Variants in TMEM163 observed in about 807,000 individuals in gnomAD.
The protein encoded by TMEM163 is transmembrane protein 163.
TMEM163 carries 17 observed loss-of-function variants against 29.3 expected under a neutral mutation model. The ratio of observed to expected loss-of-function variants is 0.58; its 90% CI spans 0.40 to 0.87. The LOEUF is 0.87. TMEM163 is among the 40% of genes least tolerant of loss of function. The pLI, the probability that TMEM163 is intolerant of heterozygous loss-of-function variation, is 0.00. For missense variants in TMEM163, 303 were observed against 381.5 expected (o/e 0.79, Z 1.71); for synonymous variants, 157 against 160.6 (o/e 0.98, Z 0.17).
chr2:134,536,032 T>C (rs1289290722), intron 4 of TMEM163, among the ~76,000 whole-genome samples: 2 of 152,206 alleles, frequency 1.3e-5, no homozygotes, highest in East Asian at 3.8e-4. Context: ...CTTGTTTGTA[T>C]GTTTTACATT....
intron 7 of TMEM163, among the ~76,000 whole-genome samples, chr2:134,457,394 C>T (rs944298775): frequency 4.6e-5 from 7 of 152,330 alleles, no homozygotes; most frequent in Admixed American, 1.3e-4. Flanking sequence ...GTTCCACTTT[C>T]GCCACGTCCT....
chr2:134,485,175 T>C (rs1019820127), intron 5 of TMEM163, among the ~76,000 whole-genome samples: 5 of 152,204 alleles, frequency 3.3e-5, no homozygotes, highest in Non-Finnish European at 5.9e-5. Context: ...CCTAATCTAC[T>C]GAACATCCTG....
intron 4 of TMEM163, among the ~76,000 whole-genome samples, chr2:134,520,892 T>C (rs1232572836): frequency 6.6e-6 from 1 of 152,186 alleles, no homozygotes; most frequent in Non-Finnish European, 1.5e-5. Flanking sequence ...ATTCCTGGGC[T>C]CCCCCTTGAA....
intron 2 of TMEM163, among the ~76,000 whole-genome samples, chr2:134,589,878 T>C (rs905634962): frequency 2.6e-5 from 4 of 152,272 alleles, no homozygotes; most frequent in East Asian, 1.9e-4. Context: ...GAATGACCCA[T>C]TGAGCACTCA....
At chr2:134,651,404 T>C in intron 2 of TMEM163, among the ~76,000 whole-genome samples, 1 of 132,370 alleles carries the variant, frequency 7.6e-6, no homozygotes, top group Non-Finnish European at 1.6e-5. Flanking sequence ...TGTTTTTTTC[T>C]TGTAAATTTG....
chr2:134,605,085 G>A (rs1415239139), intron 2 of TMEM163, among the ~76,000 whole-genome samples: 2 of 151,520 alleles, frequency 1.3e-5, no homozygotes, highest in African/African-American at 4.9e-5. Flanking sequence ...GCTGAGGCAG[G>A]AGAATAGCTT....
chr2:134,567,453 A>T (rs941572127), intron 2 of TMEM163, among the ~76,000 whole-genome samples: 1 of 152,164 alleles, frequency 6.6e-6, no homozygotes, highest in African/African-American at 2.4e-5. Flanking sequence ...GCACTTTGGG[A>T]GGCCGAGGCG....
At chr2:134,493,674 T>C (rs555481343) in intron 5 of TMEM163, among the ~76,000 whole-genome samples, 31 of 152,270 alleles carry the variant, frequency 2.0e-4, no homozygotes, top group South Asian at 8.3e-4. Context: ...GCCCAGCCTT[T>C]TGGTGCCATG....
intron 2 of TMEM163, among the ~76,000 whole-genome samples, chr2:134,582,078 A>G (rs1681707644): frequency 6.6e-6 from 1 of 152,192 alleles, no homozygotes; most frequent in Admixed American, 6.5e-5. Flanking sequence ...GCAAGAGTTT[A>G]AAACTTTCAG....
At chr2:134,531,863 C>T (rs1680423328) in intron 4 of TMEM163, among the ~76,000 whole-genome samples, 1 of 152,298 alleles carries the variant, frequency 6.6e-6, no homozygotes, top group African/African-American at 2.4e-5. Flanking sequence ...TTGCCAGAGG[C>T]TGGGGGCTGG....
intron 5 of TMEM163, among the ~76,000 whole-genome samples, chr2:134,489,882 G>A (rs182175257): frequency 1.7e-3 from 261 of 152,292 alleles, no homozygotes; most frequent in Middle Eastern, 3.4e-3. Flanking sequence ...AAGGTCCCAG[G>A]CAGCCTCTGT....
At chr2:134,708,054 T>C (rs1444323608) in intron 2 of TMEM163, among the ~76,000 whole-genome samples, 1 of 151,962 alleles carries the variant, frequency 6.6e-6, no homozygotes, top group Non-Finnish European at 1.5e-5. Flanking sequence ...ACTTGGCAAA[T>C]TTTTGTATTT....
intron 2 of TMEM163, among the ~76,000 whole-genome samples, chr2:134,614,504 A>G (rs1045973220): frequency 2.6e-5 from 4 of 152,212 alleles, no homozygotes; most frequent in Non-Finnish European, 5.9e-5. Context: ...GAATTCTTAG[A>G]CTTGAGAACA....
At chr2:134,560,536 T>C (rs542382903) in intron 2 of TMEM163, among the ~76,000 whole-genome samples, 1 of 152,178 alleles carries the variant, frequency 6.6e-6, no homozygotes, top group Non-Finnish European at 1.5e-5. Flanking sequence ...AAGCCGCAGC[T>C]GGCACTTTCT....
chr2:134,610,769 T>G (rs1243202719), intron 2 of TMEM163, among the ~76,000 whole-genome samples: 7 of 152,168 alleles, frequency 4.6e-5, no homozygotes, highest in Non-Finnish European at 8.8e-5. Flanking sequence ...TATATATTTT[T>G]AAGCTCCCCT....
intron 2 of TMEM163, among the ~76,000 whole-genome samples, chr2:134,601,232 G>A (rs1384623437): frequency 1.3e-5 from 2 of 152,126 alleles, no homozygotes; most frequent in African/African-American, 2.4e-5. Flanking sequence ...ACATTTTCCT[G>A]AGTGTAATGC....
At chr2:134,666,814 AAT>A (rs1342141887) in intron 2 of TMEM163, among the ~76,000 whole-genome samples, 2 of 152,226 alleles carry the variant, frequency 1.3e-5, no homozygotes, top group Non-Finnish European at 2.9e-5. Context: ...TAAATGAGAT[AAT>A]CCACATAATA....
intron 2 of TMEM163, among the ~76,000 whole-genome samples, chr2:134,669,130 A>T (rs1378759636): frequency 6.6e-6 from 1 of 152,208 alleles, no homozygotes; most frequent in African/African-American, 2.4e-5. Context: ...GACTCAATGA[A>T]AAGTCCTTTG....
chr2:134,661,925 C>CTTTTTTTTTTTTTTTTTT lies in TMEM163; in HGVS notation c.322+51274_322+51275insAAAAAAAAAAAAAAAAAA, dbSNP rs201436466. Reference sequence around the variant, plus strand: ...AAGTTTTCATGGATTCATTAATTTTCTTTCTTTTTTTTTTTTTTTTTTTTG... The same window carrying CTTTTTTTTTTTTTTTTTT: ...AAGTTTTCATGGATTCATTAATTTTCTTTTTTTTTTTTTTTTTTTTTCTTTTTTTTTTTTTTTTTTTTG... On this transcript the variant is annotated intron_variant, in intron 2 of 7. Coordinates refer to ENST00000281924, the MANE Select transcript of TMEM163 (RefSeq NM_030923.5). 6.3e-5 allele frequency among the ~76,000 whole-genome samples: 5 copies of CTTTTTTTTTTTTTTTTTT among 79,068 alleles called. 2 individuals are homozygous for CTTTTTTTTTTTTTTTTTT. Among genetic ancestry groups the CTTTTTTTTTTTTTTTTTT allele is most frequent in the South Asian group, 7.0e-4 (2 of 2,874 alleles). The allele number at this position is 79,068 out of a possible 152,430, so 51.9% of individuals were successfully genotyped here. A position where few individuals can be genotyped will look rare whatever the true frequency, so the allele number is the denominator to read the frequency against.
Sources: gnomAD v4.1 joint callset for allele counts (sites outside exome capture counted in the v4.1 genomes callset) on GRCh38, gnomAD v4.1.1 for gene constraint, MANE v1.5 for transcripts, NCBI Gene and HGNC (gene_info 2026-07-23, HGNC 2026-07-21) for gene names.